The following CSMD1 variants were observed in gnomAD, a reference collection of about 807,000 sequenced individuals.
CSMD1 encodes CUB and sushi domain-containing protein 1.
CSMD1 carries 213 observed loss-of-function variants against 417.5 expected under a neutral mutation model. The observed-to-expected ratio is 0.51, with a 90% CI of 0.46 to 0.57. The LOEUF (loss-of-function observed/expected upper bound fraction) is 0.57, where lower values mean the gene tolerates loss of function less well. Among genes scored for constraint, CSMD1 ranks in the 20% least tolerant of loss-of-function variants. The pLI, the probability that CSMD1 is intolerant of heterozygous loss-of-function variation, is 0.00. For synonymous variants in CSMD1, 2,862 were observed against 1,736.8 expected (o/e 1.65, Z -16.11); for missense variants, 6,923 against 4,529.7 (o/e 1.53, Z -15.17).
chr8:4,450,788 ATT>A (rs1799094969), intron 2 of CSMD1, among the ~76,000 whole-genome samples: 1 of 152,188 alleles, frequency 6.6e-6, no homozygotes, highest in African/African-American at 2.4e-5. Flanking sequence ...TTGTATTTTC[ATT>A]TTGCTTTCAT....
chr8:4,774,823 CCTCCTACTGGAGGCAT>C (rs59550804), intron 1 of CSMD1, among the ~76,000 whole-genome samples: 4,345 of 152,240 alleles, frequency 0.029, 216 homozygotes, highest in African/African-American at 0.1. Flanking sequence ...TTTCTCTCTT[CCTCCTACTGGAGGCAT>C]GTGAAGTGTT....
At chr8:4,000,389 G>T (rs910012077) in intron 4 of CSMD1, among the ~76,000 whole-genome samples, 1 of 152,170 alleles carries the variant, frequency 6.6e-6, no homozygotes, top group Non-Finnish European at 1.5e-5. Context: ...TGTCAAAATT[G>T]TATTTTTGAA....
chr8:4,060,192 C>G (rs1305647119), intron 3 of CSMD1, among the ~76,000 whole-genome samples: 2 of 151,808 alleles, frequency 1.3e-5, no homozygotes, highest in Non-Finnish European at 2.9e-5. Context: ...AAGACAAAAA[C>G]CACATGATTA....
chr8:4,150,413 C>G (rs1231438586), intron 3 of CSMD1, among the ~76,000 whole-genome samples: 2 of 152,206 alleles, frequency 1.3e-5, no homozygotes, highest in East Asian at 3.8e-4. Flanking sequence ...ACTCTCTTAT[C>G]TTTGGATGGC....
chr8:3,466,770 T>C (rs180720974), intron 12 of CSMD1, among the ~76,000 whole-genome samples: 1 of 152,022 alleles, frequency 6.6e-6, no homozygotes, highest in African/African-American at 2.4e-5. Flanking sequence ...TTGCTTTGAG[T>C]CAAATAATAT....
intron 3 of CSMD1, among the ~76,000 whole-genome samples, chr8:4,415,496 G>A (rs950156745): frequency 1.3e-5 from 2 of 152,088 alleles, no homozygotes; most frequent in African/African-American, 4.8e-5. Context: ...CATGGCCCAC[G>A]TAGACCTGCT....
chr8:4,116,017 T>C (rs1802120190), intron 3 of CSMD1, among the ~76,000 whole-genome samples: 2 of 141,416 alleles, frequency 1.4e-5, no homozygotes. Context: ...TATTTATTTA[T>C]GGAGAGGGAG....
chr8:3,619,430 G>A (rs1802309153), intron 7 of CSMD1, among the ~76,000 whole-genome samples: 5 of 151,694 alleles, frequency 3.3e-5, no homozygotes, highest in Admixed American at 2.6e-4. Context: ...GGGAAACATG[G>A]CCATTCAAAG....
chr8:4,603,313 AC>A (rs1474590742), intron 2 of CSMD1, among the ~76,000 whole-genome samples: 1 of 151,858 alleles, frequency 6.6e-6, no homozygotes, highest in African/African-American at 2.4e-5. Flanking sequence ...TTTGTATTCA[AC>A]TCTATTTTAT....
At position 3,678,051 on chromosome 8, in the gene CSMD1, G is replaced by C. The variant is rs183968463; in HGVS notation, c.1009+30363C>G. 3.9e-5 allele frequency among the ~76,000 whole-genome samples: 6 copies of C among 152,236 alleles called. No individual in the cohort carries two copies. In the East Asian group the frequency reaches 9.7e-4, roughly 25 times the overall value. ...TGTCAATATTTAAAGACAGTGGGAG[G>C]GTGGTTCAAAGATGGCTGAATAGGA... On this transcript the variant is annotated intron_variant, in intron 7 of 69. Transcript: ENST00000635120.
rs1177095464 is a variant in CSMD1 at position 4,145,657 on chromosome 8, G to C, written c.416-113558C>G. Among the ~76,000 whole-genome samples the C allele has an allele frequency of 1.3e-5, 2 of 150,840 alleles. 1 individual carries two copies. The highest frequency in any genetic ancestry group is 5.0e-5 in the African/African-American group (2 of 40,230). ...TGCCCACTTGGCCTCTCAAAGTGCT[G>C]GGATTACAGCCTCACAACACCACAC... is the stretch of plus-strand genomic sequence containing the variant. On this transcript the variant is annotated intron_variant, in intron 3 of 69. Transcript: ENST00000635120.
At position 3,276,374 on chromosome 8, in the gene CSMD1, G is replaced by A. The variant is rs536529500; in HGVS notation, c.4153+7770C>T. Among the ~76,000 whole-genome samples, 4 of 152,296 alleles carry A rather than the reference G, an allele frequency of 2.6e-5. No individual in the cohort carries two copies. In the East Asian group the frequency reaches 7.7e-4, roughly 29 times the overall value. ...ACCCATCTTCTGTGTCGTTCACGCT[G>A]GGAGCTGTAGACCGGAGCTGTTCCT... On this transcript the variant is annotated intron_variant, in intron 26 of 69. Coordinates refer to ENST00000635120, the MANE Select transcript of CSMD1 (RefSeq NM_033225.6).
At chr8:3,794,348 T>G (rs936354286) in intron 5 of CSMD1, among the ~76,000 whole-genome samples, 6 of 152,168 alleles carry the variant, frequency 3.9e-5, no homozygotes, top group African/African-American at 1.4e-4. Context: ...TAAACATATG[T>G]TTGCTAAATA....
At chr8:4,234,400 A>G (rs1801924975) in intron 3 of CSMD1, among the ~76,000 whole-genome samples, 1 of 152,000 alleles carries the variant, frequency 6.6e-6, no homozygotes, top group South Asian at 2.1e-4. Context: ...GCATTCCTGA[A>G]CCACCTCAGT....
chr8:4,255,991 G>A (rs939042710), intron 3 of CSMD1, among the ~76,000 whole-genome samples: 1 of 152,186 alleles, frequency 6.6e-6, no homozygotes, highest in East Asian at 1.9e-4. Flanking sequence ...ACTACGTGCA[G>A]GGTAGAGAGG....
At chr8:4,129,390 C>CA (rs1044024813) in intron 3 of CSMD1, among the ~76,000 whole-genome samples, 3 of 152,126 alleles carry the variant, frequency 2.0e-5, no homozygotes, top group Non-Finnish European at 2.9e-5. Flanking sequence ...CCACCCCCAA[C>CA]ACACCATGTT....
At chr8:4,602,637 T>C (rs1457444329) in intron 2 of CSMD1, among the ~76,000 whole-genome samples, 1 of 152,228 alleles carries the variant, frequency 6.6e-6, no homozygotes. Context: ...GCGTATTTTC[T>C]TATCATGTTA....
At chr8:4,097,705 G>C (rs527832724) in intron 3 of CSMD1, among the ~76,000 whole-genome samples, 86 of 152,288 alleles carry the variant, frequency 5.6e-4, no homozygotes, top group African/African-American at 2.0e-3. Flanking sequence ...AATTCAGAAA[G>C]AACATTCAAC....
intron 1 of CSMD1, among the ~76,000 whole-genome samples, chr8:4,817,103 A>G (rs1292565154): frequency 3.3e-5 from 5 of 151,864 alleles, no homozygotes; most frequent in African/African-American, 1.2e-4. Context: ...GTGTATATAC[A>G]TGCCTCCATG....
Sources: gnomAD v4.1 joint callset for allele counts (sites outside exome capture counted in the v4.1 genomes callset) on GRCh38, gnomAD v4.1.1 for gene constraint, MANE v1.5 for transcripts, NCBI Gene and HGNC (gene_info 2026-07-23, HGNC 2026-07-21) for gene names.